The following AGBL4 variants were observed in gnomAD, a reference collection of about 807,000 sequenced individuals.
The protein encoded by AGBL4 is AGBL carboxypeptidase 4, also known as cytosolic carboxypeptidase 6.
In AGBL4, 58 loss-of-function variants were observed where a neutral mutation model predicts 66.4. The observed-to-expected ratio is 0.87, with a 90% CI of 0.71 to 1.09. The LOEUF is 1.09. AGBL4 is among the 50% of genes least tolerant of loss of function. The probability of loss-of-function intolerance (pLI) is 0.00; values close to 1 mark genes in which losing one functional copy is unlikely to be tolerated. For missense variants in AGBL4, 579 were observed against 631.0 expected (o/e 0.92, Z 0.88); for synonymous variants, 234 against 222.9 (o/e 1.05, Z -0.44).
At chr1:49,101,188 CTTT>C (rs921139596) in intron 4 of AGBL4, among the ~76,000 whole-genome samples, 1 of 143,956 alleles carries the variant, frequency 6.9e-6, no homozygotes, top group Admixed American at 7.0e-5. Context: ...ACTTTTTATT[CTTT>C]TTTTTTTTTT....
intron 4 of AGBL4, among the ~76,000 whole-genome samples, chr1:49,098,579 T>C (rs897960530): frequency 6.6e-6 from 1 of 152,168 alleles, no homozygotes; most frequent in African/African-American, 2.4e-5. Context: ...GTAAGAAATA[T>C]AGCACTGAGT....
chr1:48,887,047 A>G (rs1189178529), intron 5 of AGBL4, among the ~76,000 whole-genome samples: 1 of 152,144 alleles, frequency 6.6e-6, no homozygotes, highest in African/African-American at 2.4e-5. Context: ...CCTAAAGAGA[A>G]GGACTCAGGA....
intron 3 of AGBL4, among the ~76,000 whole-genome samples, chr1:49,522,548 C>T (rs1650348986): frequency 1.3e-5 from 2 of 152,038 alleles, no homozygotes; most frequent in Admixed American, 1.3e-4. Context: ...ATTTTACATC[C>T]CAGCCCAGTC....
chr1:49,812,998 G>A (rs981237241), intron 2 of AGBL4, among the ~76,000 whole-genome samples: 11 of 152,098 alleles, frequency 7.2e-5, no homozygotes, highest in East Asian at 1.9e-4. Flanking sequence ...ACTAAAAAGC[G>A]CATCACCTGC....
At chr1:48,634,115 C>T (rs1453243836) in intron 9 of AGBL4, 17 of 158,462 alleles carry the variant, frequency 1.1e-4, no homozygotes, top group Admixed American at 6.4e-5. Context: ...GTAGAAGAAG[C>T]CAGGTTACAG....
At chr1:49,127,676 C>A (rs922007303) in intron 4 of AGBL4, among the ~76,000 whole-genome samples, 1 of 152,020 alleles carries the variant, frequency 6.6e-6, no homozygotes, top group Non-Finnish European at 1.5e-5. Flanking sequence ...AGGATTTATT[C>A]AAGTTTGAAC....
At chr1:49,877,617 T>A (rs1307340740) in intron 1 of AGBL4, among the ~76,000 whole-genome samples, 3 of 152,170 alleles carry the variant, frequency 2.0e-5, no homozygotes, top group South Asian at 2.1e-4. Flanking sequence ...GGTCTAAAAT[T>A]CTCTTTTTTG....
chr1:48,727,674 A>G (rs1419954878), intron 6 of AGBL4: 3 of 353,362 alleles, frequency 8.5e-6, no homozygotes, highest in African/African-American at 6.3e-5. Flanking sequence ...CATTCCCAGA[A>G]GGACACCAGT....
At chr1:48,663,906 G>A (rs910147741) in intron 6 of AGBL4, among the ~76,000 whole-genome samples, 4 of 152,186 alleles carry the variant, frequency 2.6e-5, no homozygotes, top group African/African-American at 9.6e-5. Flanking sequence ...GAAAAGTGGT[G>A]GTAGGAGCTG....
chr1:49,913,282 G>C (rs999335006), intron 1 of AGBL4, among the ~76,000 whole-genome samples: 8 of 152,220 alleles, frequency 5.3e-5, no homozygotes, highest in Admixed American at 5.2e-4. Context: ...TGGTGGAAAA[G>C]GCATAGGATA....
intron 2 of AGBL4, among the ~76,000 whole-genome samples, chr1:49,744,473 C>G (rs1408303268): frequency 6.6e-6 from 1 of 151,992 alleles, no homozygotes; most frequent in African/African-American, 2.4e-5. Flanking sequence ...TAAACAGTCT[C>G]AAGTATTTCT....
chr1:49,511,298 C>T lies in AGBL4; in HGVS notation c.282+186015G>A, dbSNP rs560922863. 1.2e-4 allele frequency among the ~76,000 whole-genome samples: 18 copies of T among 151,646 alleles called. No homozygotes were observed. The South Asian group carries it at 3.7e-3, about 32-fold the overall frequency. ...CCATAAAAAATGATGAGTTCATGTC[C>T]TTTGTAGGGACACGGATGAAATTGG... On this transcript the variant is annotated intron_variant, in intron 3 of 13. Transcript: ENST00000371839.
chr1:49,409,279 C>G (rs1373067102), intron 3 of AGBL4, among the ~76,000 whole-genome samples: 5 of 152,086 alleles, frequency 3.3e-5, no homozygotes, highest in Non-Finnish European at 7.3e-5. Context: ...GCAAAGTGAG[C>G]TAGTGCCTAT....
intron 2 of AGBL4, among the ~76,000 whole-genome samples, chr1:49,762,435 C>G (rs1473645385): frequency 7.0e-6 from 1 of 142,062 alleles, no homozygotes; most frequent in African/African-American, 2.6e-5. Flanking sequence ...TTTTTTGAGA[C>G]GGAGTCTTGC....
At chr1:49,648,208 A>T (rs1017003006) in intron 3 of AGBL4, among the ~76,000 whole-genome samples, 1 of 152,142 alleles carries the variant, frequency 6.6e-6, no homozygotes, top group African/African-American at 2.4e-5. Flanking sequence ...TAAACACTAT[A>T]ACATAAATGA....
At chr1:48,985,357 T>C (rs1272993613) in intron 5 of AGBL4, among the ~76,000 whole-genome samples, 1 of 152,014 alleles carries the variant, frequency 6.6e-6, no homozygotes, top group African/African-American at 2.4e-5. Flanking sequence ...CAGAAAAAAT[T>C]AAAGAGCTTT....
chr1:48,756,519 T>C (rs955228530), intron 6 of AGBL4, among the ~76,000 whole-genome samples: 2 of 152,080 alleles, frequency 1.3e-5, no homozygotes, highest in African/African-American at 4.8e-5. Flanking sequence ...CCAGCAAGTA[T>C]TCATGGAAGA....
At chr1:49,438,111 T>C (rs150492961) in intron 3 of AGBL4, among the ~76,000 whole-genome samples, 1 of 152,268 alleles carries the variant, frequency 6.6e-6, no homozygotes, top group Non-Finnish European at 1.5e-5. Flanking sequence ...ATTTTACATG[T>C]GAGGAAATGG....
chr1:48,654,254 C>T (rs1645983377), intron 7 of AGBL4, among the ~76,000 whole-genome samples: 2 of 152,162 alleles, frequency 1.3e-5, no homozygotes, highest in Admixed American at 1.3e-4. Context: ...GGATAACAGC[C>T]ACCACCTATG....
Sources: allele counts gnomAD v4.1 joint callset (sites outside exome capture counted in the v4.1 genomes callset), GRCh38; gene constraint gnomAD v4.1.1; transcripts MANE v1.5; gene names NCBI Gene and HGNC (gene_info 2026-07-23, HGNC 2026-07-21).